The following CABIN1 variants were observed in gnomAD, a reference collection of about 807,000 sequenced individuals.
The protein encoded by CABIN1 is calcineurin-binding protein cabin-1.
CABIN1 carries 133 observed loss-of-function variants against 227.7 expected under a neutral mutation model. That is an observed-to-expected ratio of 0.58 (90% CI 0.51 to 0.67). The LOEUF (loss-of-function observed/expected upper bound fraction) is 0.67. Among genes scored for constraint, CABIN1 ranks in the 30% least tolerant of loss-of-function variants. CABIN1 has a pLI of 0.00. For missense variants in CABIN1, 2,408 were observed against 2,852.5 expected, an observed-to-expected ratio of 0.84 and a Z score of 3.55; for synonymous variants, 1,086 against 1,155.1, an observed-to-expected ratio of 0.94 and a Z score of 1.21.
Position 24,176,175 on chromosome 22 carries a change from T to C in CABIN1, c.6105T>C (p.Ser2035=), listed in dbSNP as rs763066768. The change falls in exon 35 of 37, where the codon AGT becomes AGC. Residue 2035 remains serine (S), a synonymous_variant. Transcript: ENST00000263119. ...TSFPPQEPRH[S]PQVKMAPTSS... Reference sequence around the variant, plus strand: ...TCCCGCCTCAGGAGCCACGGCACAGTCCGCAGGTGAAGATGGCCCCCACAA... The same window carrying C: ...TCCCGCCTCAGGAGCCACGGCACAGCCCGCAGGTGAAGATGGCCCCCACAA... 5.0e-6 allele frequency: 8 copies of C among 1,610,928 alleles called. No individual in the cohort carries two copies. Among genetic ancestry groups the C allele is most frequent in the Non-Finnish European group, 6.8e-6 (8 of 1,179,250 alleles).
intron 23 of CABIN1, among the ~76,000 whole-genome samples, 164 bp downstream of exon 23, chr22:24,087,877 G>T (rs906277602): frequency 6.6e-6 from 1 of 152,184 alleles, no homozygotes; most frequent in South Asian, 2.1e-4. Context: ...ACCATGGTCA[G>T]TGACAACTTG....
At chr22:24,070,712 C>T (rs2040021612) in intron 16 of CABIN1, 88 bp from the exon 17 acceptor site, 1 of 1,587,800 alleles carries the variant, frequency 6.3e-7, no homozygotes, top group East Asian at 2.2e-5. Context: ...TGCCCCTCAT[C>T]TGTTTTCCTT....
chr22:24,127,299 A>G (rs916127684), intron 28 of CABIN1, among the ~76,000 whole-genome samples: 8 of 152,196 alleles, frequency 5.3e-5, no homozygotes, highest in Non-Finnish European at 1.2e-4. Context: ...CTGGCCATTG[A>G]TGGCTGCCCC....
Position 24,063,977 on chromosome 22 carries a change from T to G in CABIN1, c.1885-58T>G, listed in dbSNP as rs2039392759. The G allele has an allele frequency of 5.6e-6, 9 of 1,608,598 alleles. No individual in the cohort carries two copies. The South Asian group carries it at 9.9e-5, about 18-fold the overall frequency. On this transcript the variant is annotated intron_variant, in intron 14 of 36. Coordinates refer to ENST00000263119, the MANE Select transcript of CABIN1 (RefSeq NM_012295.4). ...AGTGAGATAAGTGGTGTAAAGCATCTGGCACATCATAGTCAGTCTTCTGCT... is the reference window on the plus strand; with the variant it reads ...AGTGAGATAAGTGGTGTAAAGCATCGGGCACATCATAGTCAGTCTTCTGCT...
At chr22:24,106,368 C>T (rs2042515950) in intron 26 of CABIN1, among the ~76,000 whole-genome samples, 1 of 152,236 alleles carries the variant, frequency 6.6e-6, no homozygotes, top group South Asian at 2.1e-4. Flanking sequence ...CCTTCCTTTT[C>T]CTCCTGCCCC....
chr22:24,067,546 A>G (rs138866884), intron 16 of CABIN1, among the ~76,000 whole-genome samples: 8 of 152,346 alleles, frequency 5.3e-5, no homozygotes, highest in African/African-American at 1.9e-4. Context: ...AGTGGCTAAA[A>G]TATCTGTACA....
In CABIN1 at chr22:24,083,391, T is replaced by G. The variant is rs1183118150; in HGVS notation, c.2910+2T>G. 2 of 1,613,588 alleles carry G rather than the reference T, an allele frequency of 1.2e-6. No individual in the cohort carries two copies. The highest frequency in any genetic ancestry group is 3.3e-5 in the Admixed American group (2 of 59,996). On this transcript the variant is annotated splice_donor_variant, in intron 20 of 36. Coordinates refer to ENST00000263119, the MANE Select transcript of CABIN1 (RefSeq NM_012295.4). LOFTEE classifies it high-confidence loss of function. ...CTGGAGGAACACTCGGCCCAGCAGG[T>G]GAGGGTGCTGCAATAGGCCCAACAA...
intron 29 of CABIN1, among the ~76,000 whole-genome samples, chr22:24,163,590 T>C (rs2046279095): frequency 6.6e-6 from 1 of 152,180 alleles, no homozygotes; most frequent in Admixed American, 6.5e-5. Context: ...GCCAGTTCAC[T>C]TATTCCAGGC....
At chr22:24,081,871 A>T (rs1337611935) in intron 19 of CABIN1, among the ~76,000 whole-genome samples, 2 of 151,992 alleles carry the variant, frequency 1.3e-5, no homozygotes, top group Admixed American at 6.6e-5. Flanking sequence ...TACTAAAAAT[A>T]AAAAAATTAG....
At chr22:24,094,491 G>A (rs1241760689) in intron 24 of CABIN1, among the ~76,000 whole-genome samples, 2 of 152,206 alleles carry the variant, frequency 1.3e-5, no homozygotes, top group Non-Finnish European at 2.9e-5. Context: ...GTAACTTTGA[G>A]TCAGCTGGTA....
intron 26 of CABIN1, among the ~76,000 whole-genome samples, chr22:24,102,765 G>A (rs2042281731): frequency 6.6e-6 from 1 of 152,134 alleles, no homozygotes; most frequent in Non-Finnish European, 1.5e-5. Flanking sequence ...TCCACCAAGG[G>A]TGGTGATGCC....
intron 10 of CABIN1, among the ~76,000 whole-genome samples, chr22:24,056,736 G>A (rs958346885): frequency 1.3e-5 from 2 of 152,204 alleles, no homozygotes; most frequent in South Asian, 4.1e-4. Flanking sequence ...CTTTCAGGGA[G>A]TCCGTGTCTA....
chr22:24,095,321 C>G (rs1003602401), intron 24 of CABIN1, among the ~76,000 whole-genome samples: 1 of 152,232 alleles, frequency 6.6e-6, no homozygotes, highest in Non-Finnish European at 1.5e-5. Context: ...GCTGTGGGGC[C>G]TTGGGCAGCT....
intron 29 of CABIN1, among the ~76,000 whole-genome samples, chr22:24,139,986 C>A (rs925872363): frequency 3.3e-5 from 5 of 152,254 alleles, no homozygotes; most frequent in African/African-American, 1.2e-4. Context: ...CATGCGGGGC[C>A]TTCATAACGT....
chr22:24,098,408 C>G, intron 26 of CABIN1: 1 of 994,396 alleles, frequency 1.0e-6, no homozygotes, highest in Non-Finnish European at 1.5e-6. Flanking sequence ...AGCTTGCCCA[C>G]CTGGGAGCCA....
Position 24,042,496 on chromosome 22 carries a change from G to T in CABIN1, c.346-408G>T, listed in dbSNP as rs376569319. On this transcript the variant is annotated intron_variant, in intron 5 of 36. Coordinates refer to ENST00000263119, the MANE Select transcript of CABIN1 (RefSeq NM_012295.4). ...CTCATGGAGCTGAGGTGAGAGGATTGCTTGAGCCCAGAAGTTTGAGGATGC... is the reference window on the plus strand; with the variant it reads ...CTCATGGAGCTGAGGTGAGAGGATTTCTTGAGCCCAGAAGTTTGAGGATGC... Among the ~76,000 whole-genome samples the T allele has an allele frequency of 5.9e-4, 90 of 152,230 alleles. 1 individual carries two copies. The South Asian group carries it at 0.018, about 30-fold the overall frequency.
chr22:24,168,688 A>G (rs976777231), intron 33 of CABIN1, 167 bp downstream of exon 33: 4 of 714,868 alleles, frequency 5.6e-6, no homozygotes, highest in Admixed American at 2.0e-5. Flanking sequence ...ACGTGGCCAT[A>G]GTGGGCAGGA....
At position 24,119,615 on chromosome 22, in the gene CABIN1, C is replaced by T. The variant is rs372852990; in HGVS notation, c.4549C>T (p.Arg1517Cys). Residue 1517 changes from arginine to cysteine, a missense_variant, in exon 28 of 37, where the codon CGC becomes TGC. Arg to Cys is a radical substitution (Grantham distance 180). Transcript: ENST00000263119. ...FLTEQCIASFRLCLSRFPQHY... is the reference protein window; with the variant it reads ...FLTEQCIASFCLCLSRFPQHY... ...CACAGAGCAGTGCATCGCCTCCTTCCGCCTGTGCCTGAGCCGCTTCCCCCA... is the reference window on the plus strand; with the variant it reads ...CACAGAGCAGTGCATCGCCTCCTTCTGCCTGTGCCTGAGCCGCTTCCCCCA... 125 of 1,613,770 alleles carry T rather than the reference C, an allele frequency of 7.7e-5. No individual in the cohort carries two copies. In the East Asian group the frequency reaches 1.5e-3, roughly 20 times the overall value.
intron 26 of CABIN1, among the ~76,000 whole-genome samples, chr22:24,106,932 G>T (rs1203811093): frequency 6.6e-6 from 1 of 152,128 alleles, no homozygotes; most frequent in East Asian, 1.9e-4. Context: ...TTGAAATCAG[G>T]GTCATTTTAA....
Sources: gnomAD v4.1 joint callset for allele counts (sites outside exome capture counted in the v4.1 genomes callset) on GRCh38, gnomAD v4.1.1 for gene constraint, MANE v1.5 for transcripts, NCBI Gene and HGNC (gene_info 2026-07-23, HGNC 2026-07-21) for gene names.